TFEC: variants seen among roughly 807,000 people sequenced by gnomAD.
TFEC encodes transcription factor EC, also known as class E basic helix-loop-helix protein 34.
TFEC carries 31 observed loss-of-function variants against 41.6 expected under a neutral mutation model. The ratio of observed to expected loss-of-function variants is 0.74; its 90% CI spans 0.56 to 1.01. TFEC has a LOEUF of 1.01. Among genes scored for constraint, TFEC ranks in the 50% least tolerant of loss-of-function variants. The pLI is 0.00. For synonymous variants in TFEC, 143 were observed against 140.6 expected, an observed-to-expected ratio of 1.02 and a Z score of -0.12; for missense variants, 402 against 404.1, an observed-to-expected ratio of 0.99 and a Z score of 0.04.
chr7:116,094,134 G>A (rs181207864), intron 3 of TFEC, among the ~76,000 whole-genome samples: 41 of 152,268 alleles, frequency 2.7e-4, no homozygotes, highest in Admixed American at 1.0e-3. Context: ...ACATTAAGGA[G>A]GGAGAAAAGG....
At chr7:115,974,803 C>T (rs1393662107) in intron 2 of TFEC, among the ~76,000 whole-genome samples, 1 of 151,730 alleles carries the variant, frequency 6.6e-6, no homozygotes, top group East Asian at 1.9e-4. Context: ...CCTACCTTCT[C>T]TAAAGACCAA....
chr7:115,967,222 T>G (rs1390962415), intron 3 of TFEC, among the ~76,000 whole-genome samples: 1 of 151,706 alleles, frequency 6.6e-6, no homozygotes, highest in East Asian at 1.9e-4. Flanking sequence ...ATACCTTATA[T>G]ATATGTGTCT....
Position 116,126,923 on chromosome 7 carries a change from C to T in TFEC, c.-68-14885G>A, listed in dbSNP as rs182135885. Among the ~76,000 whole-genome samples, 61 of 152,086 alleles carry T rather than the reference C, an allele frequency of 4.0e-4. 1 individual carries two copies. The highest frequency in any genetic ancestry group is 1.4e-3 in the African/African-American group (57 of 41,534). ...AAGGACTCCTGAAAAAAGAACCCTT[C>T]GACAAAATAAATTAAATAAATAAAT... is the stretch of plus-strand genomic sequence containing the variant. On this transcript the variant is annotated intron_variant, in intron 1 of 8. Coordinates refer to the TFEC transcript ENST00000484212.
At chr7:116,093,084 C>G (rs1015873099) in intron 3 of TFEC, among the ~76,000 whole-genome samples, 3 of 152,076 alleles carry the variant, frequency 2.0e-5, no homozygotes, top group Non-Finnish European at 2.9e-5. Flanking sequence ...TTACTGAGTA[C>G]CTATTGAGTT....
chr7:115,985,704 AT>A (rs1362269178), intron 1 of TFEC, among the ~76,000 whole-genome samples: 19 of 152,014 alleles, frequency 1.2e-4, no homozygotes, highest in Non-Finnish European at 2.2e-4. Flanking sequence ...GCATAAAATA[AT>A]TTTTCAGTCA....
intron 1 of TFEC, among the ~76,000 whole-genome samples, chr7:116,151,490 A>T (rs574572752): frequency 1.2e-4 from 18 of 151,926 alleles, no homozygotes; most frequent in Non-Finnish European, 2.4e-4. Context: ...TGATCCGCCC[A>T]CCTCGGCCTC....
At chr7:115,980,803 G>A (rs1290451826) in intron 2 of TFEC, among the ~76,000 whole-genome samples, 1 of 151,584 alleles carries the variant, frequency 6.6e-6, no homozygotes, top group East Asian at 1.9e-4. Context: ...ACAAAAAAAG[G>A]AGATAATAGT....
chr7:115,942,326 T>C (rs937193631), intron 6 of TFEC, among the ~76,000 whole-genome samples: 1 of 152,018 alleles, frequency 6.6e-6, no homozygotes, highest in Non-Finnish European at 1.5e-5. Context: ...TTTATATTTT[T>C]AGTGAAAATT....
intron 1 of TFEC, among the ~76,000 whole-genome samples, chr7:115,990,084 C>G (rs1794039013): frequency 6.6e-6 from 1 of 152,214 alleles, no homozygotes; most frequent in African/African-American, 2.4e-5. Context: ...TGCTGTTCTG[C>G]AGCCTCTGCT....
intron 1 of TFEC, among the ~76,000 whole-genome samples, chr7:116,144,101 C>T (rs1287339724): frequency 6.6e-6 from 1 of 151,988 alleles, no homozygotes; most frequent in African/African-American, 2.4e-5. Context: ...GCCTGTAATC[C>T]CAGCTACTCA....
At chr7:116,074,401 C>T (rs913403228) in intron 3 of TFEC, among the ~76,000 whole-genome samples, 25 of 151,850 alleles carry the variant, frequency 1.6e-4, no homozygotes, top group Non-Finnish European at 3.5e-4. Flanking sequence ...AGAACTCTTA[C>T]AACTTATTTA....
chr7:116,120,873 A>C (rs1378956238), intron 1 of TFEC, among the ~76,000 whole-genome samples: 1 of 151,970 alleles, frequency 6.6e-6, no homozygotes, highest in Non-Finnish European at 1.5e-5. Flanking sequence ...ATAAGAGCTA[A>C]TAAATTGTGT....
intron 1 of TFEC, chr7:116,121,303 C>G (rs1798103099): frequency 6.6e-6 from 1 of 151,920 alleles, no homozygotes; most frequent in African/African-American, 2.4e-5. Flanking sequence ...ATACAGAAAG[C>G]TGCATTTTGC....
intron 3 of TFEC, among the ~76,000 whole-genome samples, chr7:116,052,794 G>T (rs1321894372): frequency 6.6e-6 from 1 of 151,494 alleles, no homozygotes; most frequent in African/African-American, 2.4e-5. Flanking sequence ...TGGGGGCCGG[G>T]CGCAGTGGCT....
chr7:115,941,819 G>A (rs1793518190), intron 7 of TFEC, 74 bp downstream of exon 7: 3 of 1,463,288 alleles, frequency 2.1e-6, no homozygotes, highest in Non-Finnish European at 2.7e-6. Context: ...AAATAAATGA[G>A]ACCAATGAAG....
intron 1 of TFEC, among the ~76,000 whole-genome samples, chr7:116,135,165 A>G (rs553952428): frequency 6.6e-6 from 1 of 152,236 alleles, no homozygotes; most frequent in South Asian, 2.1e-4. Flanking sequence ...TTTCACCTGG[A>G]GCAATGAAAA....
chr7:116,078,439 A>C (rs758847444), intron 3 of TFEC, among the ~76,000 whole-genome samples: 2 of 152,086 alleles, frequency 1.3e-5, no homozygotes, highest in African/African-American at 2.4e-5. Flanking sequence ...ACCATTAATG[A>C]GATTAACCAA....
At chr7:116,043,673 C>A (rs1159930949) in intron 3 of TFEC, among the ~76,000 whole-genome samples, 6 of 152,014 alleles carry the variant, frequency 3.9e-5, no homozygotes, top group Non-Finnish European at 1.5e-5. Flanking sequence ...CTGCAAATAA[C>A]AGGAAGAAAA....
Position 115,938,267 on chromosome 7 carries a change from G to A in TFEC, c.*2284C>T, listed in dbSNP as rs981948778. The A allele has an allele frequency of 2.0e-5, 3 of 151,868 alleles. No individual in the cohort carries two copies. Among genetic ancestry groups the A allele is most frequent in the South Asian group, 2.1e-4 (1 of 4,832 alleles). The allele number at this position is 151,868 out of a possible 1,614,324, so 9.4% of individuals were successfully genotyped here. On this transcript the variant is annotated 3_prime_UTR_variant, in exon 8 of 8. Coordinates refer to ENST00000265440, the MANE Select transcript of TFEC (RefSeq NM_012252.4). ...GAAATGAGAAGAGCAGATAAAATGA[G>A]AACTGAAGCCAGTCTCTATCTAATA...
Sources: gnomAD v4.1 joint callset for allele counts (sites outside exome capture counted in the v4.1 genomes callset) on GRCh38, gnomAD v4.1.1 for gene constraint, MANE v1.5 for transcripts, NCBI Gene and HGNC (gene_info 2026-07-23, HGNC 2026-07-21) for gene names.